TENM3: variants seen among roughly 807,000 people sequenced by gnomAD.
The protein encoded by TENM3 is teneurin transmembrane protein 3.
TENM3 carries 63 observed loss-of-function variants against 255.1 expected under a neutral mutation model. That is an observed-to-expected ratio of 0.25 (90% CI 0.20 to 0.30). The LOEUF is 0.30. Ranked by LOEUF, TENM3 falls within the 10% of genes least tolerant of loss-of-function variation. TENM3 has a pLI of 1.00. For missense variants in TENM3, 2,929 were observed against 3,461.1 expected, an observed-to-expected ratio of 0.85 and a Z score of 3.86; for synonymous variants, 1,306 against 1,322.3, an observed-to-expected ratio of 0.99 and a Z score of 0.27.
the TENM3 span, among the ~76,000 whole-genome samples, chr4:182,105,391 T>G: frequency 6.6e-6 from 1 of 152,134 alleles, no homozygotes; most frequent in Non-Finnish European, 1.5e-5. Flanking sequence ...TTAAAAGGAA[T>G]AGTCAACACA....
the TENM3 span, among the ~76,000 whole-genome samples, chr4:181,764,157 A>C: frequency 6.6e-6 from 1 of 152,198 alleles, no homozygotes; most frequent in Non-Finnish European, 1.5e-5. Flanking sequence ...TTCATTTGTT[A>C]TGTCTTTTTA....
chr4:182,091,790 C>T, the TENM3 span, among the ~76,000 whole-genome samples: 9 of 152,174 alleles, frequency 5.9e-5, no homozygotes, highest in African/African-American at 7.2e-5. Flanking sequence ...GCCAATTTCA[C>T]GGGAGCGTGA....
chr4:182,087,431 G>A, the TENM3 span, among the ~76,000 whole-genome samples: 26,040 of 152,096 alleles, frequency 0.17, 2,302 homozygotes, highest in African/African-American at 0.24. Context: ...GGACAAAAAC[G>A]AAGGCACATG....
the TENM3 span, among the ~76,000 whole-genome samples, chr4:181,605,589 G>GAAAGA: frequency 4.5e-4 from 16 of 35,766 alleles, no homozygotes; most frequent in East Asian, 8.7e-3. Context: ...AGAAAGGAAA[G>GAAAGA]AAAGAAAGAA....
intron 1 of TENM3, among the ~76,000 whole-genome samples, chr4:182,232,390 T>C (rs889129700): frequency 6.6e-6 from 1 of 152,190 alleles, no homozygotes; most frequent in Non-Finnish European, 1.5e-5. Flanking sequence ...GTTGTATACC[T>C]ATTATGTACA....
the TENM3 span, among the ~76,000 whole-genome samples, chr4:181,919,806 A>C: frequency 6.6e-6 from 1 of 151,590 alleles, no homozygotes; most frequent in Non-Finnish European, 1.5e-5. Context: ...ATATGTATAC[A>C]TGTGCCATGC....
the TENM3 span, among the ~76,000 whole-genome samples, chr4:181,604,158 G>A: frequency 2.0e-5 from 3 of 152,040 alleles, no homozygotes; most frequent in South Asian, 2.1e-4. Flanking sequence ...CCAGCTACTC[G>A]GGAGGCTGAG....
the TENM3 span, among the ~76,000 whole-genome samples, chr4:181,661,455 T>C: frequency 6.6e-6 from 1 of 152,284 alleles, no homozygotes; most frequent in African/African-American, 2.4e-5. Flanking sequence ...CAAAACACCC[T>C]GTTTCCCCTA....
chr4:182,171,530 C>G (rs1752104416), intron 1 of TENM3, among the ~76,000 whole-genome samples: 1 of 152,152 alleles, frequency 6.6e-6, no homozygotes, highest in African/African-American at 2.4e-5. Flanking sequence ...GTGGCACAAT[C>G]ATAGCTCTCT....
chr4:181,804,395 C>T, the TENM3 span, among the ~76,000 whole-genome samples: 1 of 152,138 alleles, frequency 6.6e-6, no homozygotes, highest in Non-Finnish European at 1.5e-5. Flanking sequence ...TCTGCTCTAT[C>T]CAGCCCTAAA....
Position 182,792,831 on chromosome 4 carries a change from T to C in TENM3, c.6159T>C (p.Val2053=). Residue 2053 remains valine, a synonymous_variant, in exon 26 of 28, where the codon GTT becomes GTC. Transcript: ENST00000511685. This position sits in a 1 kb window ranked among gnomAD's most constrained non-coding sequence, Gnocchi z 6.3. The part of the protein sequence containing the change: ...LYQFDDISGK[V]EQFGKFGVIY... ...AGTTTGATGACATTTCTGGCAAAGTTGAGCAGTTTGGAAAGTTTGGAGTTA... is the reference window on the plus strand; with the variant it reads ...AGTTTGATGACATTTCTGGCAAAGTCGAGCAGTTTGGAAAGTTTGGAGTTA... The C allele has an allele frequency of 6.2e-7, 1 of 1,613,916 alleles. No homozygotes were observed. Among genetic ancestry groups the C allele is most frequent in the African/African-American group, 1.3e-5 (1 of 75,042 alleles).
At chr4:182,775,278 T>C in intron 24 of TENM3, 125 bp downstream of exon 24, 1 of 854,062 alleles carries the variant, frequency 1.2e-6, no homozygotes, top group Admixed American at 2.3e-5. Context: ...CCTCGCTCAG[T>C]GTGGTTCCAA....
At chr4:181,723,542 T>C in the TENM3 span, among the ~76,000 whole-genome samples, 1,241 of 152,190 alleles carry the variant, frequency 8.2e-3, 14 homozygotes, top group Middle Eastern at 0.037. Flanking sequence ...GAACTCTAAG[T>C]TGGAAACACT....
At chr4:182,009,756 G>T in the TENM3 span, among the ~76,000 whole-genome samples, 5 of 152,326 alleles carry the variant, frequency 3.3e-5, no homozygotes, top group South Asian at 6.2e-4. Flanking sequence ...CTGGGAGTTC[G>T]GTTGGCTTAA....
chr4:182,099,046 C>A, the TENM3 span, among the ~76,000 whole-genome samples: 11 of 148,744 alleles, frequency 7.4e-5, no homozygotes, highest in Non-Finnish European at 1.2e-4. Flanking sequence ...ACTGCAACCT[C>A]TGCTTCCCGG....
chr4:182,262,116 A>G (rs1263967782), intron 1 of TENM3, among the ~76,000 whole-genome samples: 1 of 152,200 alleles, frequency 6.6e-6, no homozygotes, highest in Non-Finnish European at 1.5e-5. Flanking sequence ...ATAAATAAGG[A>G]AGAACTGCAT....
intron 1 of TENM3, among the ~76,000 whole-genome samples, chr4:182,159,465 T>A (rs1750954346): frequency 6.6e-6 from 1 of 151,462 alleles, no homozygotes; most frequent in Non-Finnish European, 1.5e-5. Context: ...TGTGTGTGTG[T>A]GTGTGTGTGT....
chr4:182,195,436 C>A (rs954117138), intron 1 of TENM3, among the ~76,000 whole-genome samples: 1 of 152,070 alleles, frequency 6.6e-6, no homozygotes, highest in Admixed American at 6.6e-5. Flanking sequence ...CTCAGGAGTT[C>A]AAGCCCAGCC....
chr4:181,693,438 G>T, the TENM3 span, among the ~76,000 whole-genome samples: 1 of 152,188 alleles, frequency 6.6e-6, no homozygotes, highest in African/African-American at 2.4e-5. Flanking sequence ...CAGACACCCA[G>T]TGGAGATGGC....
Sources: allele counts gnomAD v4.1 joint callset (sites outside exome capture counted in the v4.1 genomes callset), GRCh38; gene constraint gnomAD v4.1.1; non-coding constraint Gnocchi (gnomAD v3.1); transcripts MANE v1.5; gene names NCBI Gene and HGNC (gene_info 2026-07-23, HGNC 2026-07-21).